Variants in IGSF11 observed in about 807,000 individuals in gnomAD.
The protein encoded by IGSF11 is CXADR like 1.
Under a neutral mutation model 41.0 loss-of-function variants are expected in IGSF11, and 22 were observed. The observed-to-expected ratio is 0.54, with a 90% CI of 0.38 to 0.77. The LOEUF is 0.77. Ranked by LOEUF, IGSF11 falls within the 30% of genes least tolerant of loss-of-function variation. The pLI is 0.00. For synonymous variants in IGSF11, 219 were observed against 201.3 expected (o/e 1.09, Z -0.74); for missense variants, 444 against 530.8 (o/e 0.84, Z 1.61).
chr3:118,940,779 AGAG>A (rs1446381821), intron 1 of IGSF11, among the ~76,000 whole-genome samples: 1 of 151,984 alleles, frequency 6.6e-6, no homozygotes, highest in African/African-American at 2.4e-5. Context: ...AAGGACATAT[AGAG>A]AGTCCAAAAA....
upstream of IGSF11, among the ~76,000 whole-genome samples, chr3:119,038,168 A>G (rs890171769): frequency 6.6e-6 from 1 of 152,206 alleles, no homozygotes; most frequent in Non-Finnish European, 1.5e-5. Context: ...TAAAATGACA[A>G]TAAAGGAATG....
chr3:118,911,860 T>C (rs1485666793), intron 4 of IGSF11, among the ~76,000 whole-genome samples: 2 of 152,118 alleles, frequency 1.3e-5, no homozygotes, highest in Non-Finnish European at 2.9e-5. Context: ...TTCTCCCTTG[T>C]AACATGAGAG....
intron 1 of IGSF11, among the ~76,000 whole-genome samples, chr3:119,121,288 G>A (rs1192908972): frequency 6.6e-6 from 1 of 152,086 alleles, no homozygotes. Flanking sequence ...GTCCAAAGAG[G>A]TAAAGGAACC....
intron 4 of IGSF11, among the ~76,000 whole-genome samples, chr3:118,909,492 T>C (rs1199061701): frequency 6.6e-6 from 1 of 152,174 alleles, no homozygotes; most frequent in African/African-American, 2.4e-5. Context: ...ACATCACAAA[T>C]ACTTAATATC....
At chr3:119,004,417 C>T (rs1484150509) in intron 1 of IGSF11, among the ~76,000 whole-genome samples, 2 of 151,800 alleles carry the variant, frequency 1.3e-5, no homozygotes, top group East Asian at 3.9e-4. Context: ...AAACCAGCTC[C>T]TGGATTCATT....
intron 1 of IGSF11, among the ~76,000 whole-genome samples, chr3:119,011,039 A>T (rs1488215680): frequency 1.3e-5 from 2 of 152,248 alleles, no homozygotes; most frequent in Non-Finnish European, 2.9e-5. Context: ...TTCATATGGA[A>T]GGATAAGCTT....
chr3:118,957,592 C>T (rs1486016365), intron 1 of IGSF11, among the ~76,000 whole-genome samples: 3 of 152,210 alleles, frequency 2.0e-5, no homozygotes, highest in African/African-American at 7.2e-5. Context: ...CATGCATGCT[C>T]TTACTCATCA....
chr3:119,141,155 ATT>A (rs1371976630), intron 1 of IGSF11, among the ~76,000 whole-genome samples: 1 of 151,946 alleles, frequency 6.6e-6, no homozygotes, highest in African/African-American at 2.4e-5. Context: ...TAAACAACAC[ATT>A]CTTAATTAAC....
intron 1 of IGSF11, among the ~76,000 whole-genome samples, chr3:119,055,419 A>C (rs1215442850): frequency 6.6e-6 from 1 of 152,224 alleles, no homozygotes; most frequent in African/African-American, 2.4e-5. Context: ...AGAAGAGCTA[A>C]CTATCCTAAA....
At chr3:118,977,521 C>T (rs1051485878) in intron 1 of IGSF11, among the ~76,000 whole-genome samples, 2 of 152,190 alleles carry the variant, frequency 1.3e-5, no homozygotes, top group Non-Finnish European at 2.9e-5. Context: ...AGAAAAATCA[C>T]ACTTCAAATA....
intron 1 of IGSF11, among the ~76,000 whole-genome samples, chr3:119,045,699 A>G (rs1396257444): frequency 3.3e-5 from 5 of 152,066 alleles, no homozygotes; most frequent in African/African-American, 1.2e-4. Context: ...CAGGGCACAG[A>G]CAAACAAAAA....
chr3:118,938,708 C>T (rs1004504537), intron 1 of IGSF11, among the ~76,000 whole-genome samples: 2 of 152,150 alleles, frequency 1.3e-5, no homozygotes, highest in Non-Finnish European at 2.9e-5. Flanking sequence ...CAGAAATCAG[C>T]ATTTCACCAA....
intron 1 of IGSF11, among the ~76,000 whole-genome samples, chr3:119,140,206 C>A (rs73185885): frequency 0.25 from 37,234 of 151,910 alleles, 4,651 homozygotes; most frequent in South Asian, 0.3. Context: ...ACCAACTATA[C>A]CACTACGTAT....
Position 119,084,478 on chromosome 3 carries a change from T to C in IGSF11, c.49+20666A>G, listed in dbSNP as rs141430122. On this transcript the variant is annotated intron_variant, in intron 1 of 6. Transcript: ENST00000354673. Reference sequence around the variant, plus strand: ...CATTTCCCCAGAGATTAGACAGAAATGGATCTGCAGCAAGCATGTGTGGGG... The same window carrying C: ...CATTTCCCCAGAGATTAGACAGAAACGGATCTGCAGCAAGCATGTGTGGGG... 3.3e-3 allele frequency among the ~76,000 whole-genome samples: 506 copies of C among 152,210 alleles called. 2 individuals are homozygous for C. The highest frequency in any genetic ancestry group is 6.9e-3 in the Admixed American group (106 of 15,292).
chr3:119,043,262 T>G (rs1366273959), intron 1 of IGSF11, among the ~76,000 whole-genome samples: 1 of 152,234 alleles, frequency 6.6e-6, no homozygotes, highest in Non-Finnish European at 1.5e-5. Flanking sequence ...TGGGTTTATA[T>G]GCCAATCATT....
intron 1 of IGSF11, among the ~76,000 whole-genome samples, chr3:118,999,525 C>T (rs534110814): frequency 3.3e-5 from 5 of 152,064 alleles, no homozygotes; most frequent in Non-Finnish European, 7.4e-5. Context: ...ACAATGGGTT[C>T]CTTCACTCTT....
rs535724390 is a variant in IGSF11 at position 119,033,916 on chromosome 3, T to A, written c.52+615A>T. ...ACCGTTAACAAGAAATTTAAAGACA[T>A]TTATTTATTTTGTTCTAATATTGTT... On this transcript the variant is annotated intron_variant, in intron 1 of 6. Transcript: ENST00000393775. Among the ~76,000 whole-genome samples, 8 of 152,348 alleles carry A rather than the reference T, an allele frequency of 5.3e-5. No individual in the cohort carries two copies. In the South Asian group the frequency reaches 1.7e-3, roughly 32 times the overall value.
chr3:118,926,189 G>A lies in IGSF11; in HGVS notation c.492C>T (p.Leu164=). Residue 164 remains leucine (L), a synonymous_variant, in exon 4 of 7, where the codon CTC becomes CTT. Transcript: ENST00000393775. ...GAGGAATGCCTTCCTCTGAGCTACA[G>A]AGCAGGATGACATCGCTGCCAATAT... ...SQDIGSDVIL[L]CSSEEGIPRP... 9 of 1,612,154 alleles carry A rather than the reference G, an allele frequency of 5.6e-6. No individual in the cohort carries two copies. Among genetic ancestry groups the A allele is most frequent in the Non-Finnish European group, 6.8e-6 (8 of 1,178,674 alleles).
intron 1 of IGSF11, among the ~76,000 whole-genome samples, chr3:118,999,479 C>T (rs1936596827): frequency 6.6e-6 from 1 of 152,030 alleles, no homozygotes; most frequent in Non-Finnish European, 1.5e-5. Context: ...CATCCCAAAC[C>T]CTTCAGATGT....
Sources: allele counts gnomAD v4.1 joint callset (sites outside exome capture counted in the v4.1 genomes callset), GRCh38; gene constraint gnomAD v4.1.1; transcripts MANE v1.5; gene names NCBI Gene and HGNC (gene_info 2026-07-23, HGNC 2026-07-21).